Variants in CTNNA3 observed in about 807,000 individuals in gnomAD.
CTNNA3 encodes catenin alpha 3.
A neutral mutation model predicts 95.7 loss-of-function variants in CTNNA3; 76 were observed. The observed-to-expected ratio is 0.79, with a 90% CI of 0.66 to 0.96. CTNNA3 has a LOEUF of 0.96. Ranked by LOEUF, CTNNA3 falls within the 40% of genes least tolerant of loss-of-function variation. The probability of loss-of-function intolerance (pLI) is 0.00; values close to 1 mark genes in which losing one functional copy is unlikely to be tolerated. For missense variants in CTNNA3, 1,191 were observed against 1,089.8 expected, an observed-to-expected ratio of 1.09 and a Z score of -1.31; for synonymous variants, 431 against 374.4, an observed-to-expected ratio of 1.15 and a Z score of -1.74.
At chr10:67,457,549 T>C (rs966544486) in intron 5 of CTNNA3, among the ~76,000 whole-genome samples, 7 of 152,218 alleles carry the variant, frequency 4.6e-5, no homozygotes, top group African/African-American at 1.7e-4. Context: ...CAGTTTTATA[T>C]TGATGTTCTA....
intron 1 of CTNNA3, among the ~76,000 whole-genome samples, chr10:67,744,062 A>C (rs1193428472): frequency 3.3e-5 from 5 of 151,412 alleles, no homozygotes; most frequent in Non-Finnish European, 5.9e-5. Context: ...AATACCATGA[A>C]AATGGCCATA....
chr10:67,602,095 A>C (rs1843100903), intron 3 of CTNNA3, among the ~76,000 whole-genome samples: 1 of 151,952 alleles, frequency 6.6e-6, no homozygotes, highest in South Asian at 2.1e-4. Flanking sequence ...TAATAAAGCT[A>C]TCTGTACTCT....
chr10:67,728,863 T>C (rs1433932856), intron 1 of CTNNA3, among the ~76,000 whole-genome samples: 1 of 152,098 alleles, frequency 6.6e-6, no homozygotes. Context: ...AGGCCATCTG[T>C]ATATTTGATT....
intron 11 of CTNNA3, among the ~76,000 whole-genome samples, chr10:66,493,563 G>T (rs9415856): frequency 0.069 from 10,137 of 147,318 alleles, 965 homozygotes; most frequent in East Asian, 0.46. Flanking sequence ...TTTTGTTGTT[G>T]TTGGGGAGAA....
rs574031316 is a variant in CTNNA3 at position 67,160,213 on chromosome 10, AG to A, written c.1047+20103del. Among the ~76,000 whole-genome samples the A allele has an allele frequency of 2.4e-3, 367 of 152,278 alleles. 2 individuals carry two copies. Among genetic ancestry groups the A allele is most frequent in the African/African-American group, 8.3e-3 (345 of 41,550 alleles). On this transcript the variant is annotated intron_variant, in intron 7 of 17. Transcript: ENST00000433211. Reference sequence around the variant, plus strand: ...AAAGCTATTATCAATAAACAAAAAAAGATCACAAATATTGAGGAGGATGTGA... The same window carrying A: ...AAAGCTATTATCAATAAACAAAAAAAATCACAAATATTGAGGAGGATGTGA...
chr10:66,576,220 GT>G (rs1417147000), intron 10 of CTNNA3, among the ~76,000 whole-genome samples: 1 of 152,110 alleles, frequency 6.6e-6, no homozygotes, highest in Non-Finnish European at 1.5e-5. Flanking sequence ...TAAGAATACA[GT>G]TTTAGTGTCA....
At chr10:66,780,489 A>G (rs1458146691) in intron 7 of CTNNA3, among the ~76,000 whole-genome samples, 1 of 152,156 alleles carries the variant, frequency 6.6e-6, no homozygotes, top group Non-Finnish European at 1.5e-5. Context: ...CCTGGTTTCC[A>G]GCAGTGACAG....
chr10:66,154,548 A>C (rs993601719), intron 13 of CTNNA3, among the ~76,000 whole-genome samples: 24 of 151,114 alleles, frequency 1.6e-4, no homozygotes, highest in Admixed American at 6.0e-4. Context: ...TCTTACTTGC[A>C]AGCTACTGTT....
At chr10:67,265,544 T>G (rs1207531574) in intron 5 of CTNNA3, among the ~76,000 whole-genome samples, 2 of 151,678 alleles carry the variant, frequency 1.3e-5, no homozygotes, top group Admixed American at 1.3e-4. Context: ...AGGTTTGGGG[T>G]TTAAAGTCTG....
intron 13 of CTNNA3, among the ~76,000 whole-genome samples, chr10:66,120,533 G>T (rs777326417): frequency 6.6e-6 from 1 of 152,020 alleles, no homozygotes; most frequent in African/African-American, 2.4e-5. Context: ...TCTGCAAAAT[G>T]GATTTATTGT....
Position 67,566,031 on chromosome 10 carries a change from ATATG to A in CTNNA3, c.293-26366_293-26363del, listed in dbSNP as rs201524203. Among the ~76,000 whole-genome samples, 259 of 58,078 alleles carry A rather than the reference ATATG, an allele frequency of 4.5e-3. 26 individuals carry two copies. The highest frequency in any genetic ancestry group is 0.028 in the African/African-American group (253 of 9,182). 38.1% of individuals were successfully genotyped at this position (58,078 alleles called of 152,430 possible). On this transcript the variant is annotated intron_variant, in intron 3 of 17. Coordinates refer to ENST00000433211, the MANE Select transcript of CTNNA3 (RefSeq NM_013266.4). ...TACACACACAAACACACACACACAC[ATATG>A]TGTGTGTGTATATATATATATATAT...
At chr10:67,139,873 G>T (rs1564918375) in intron 7 of CTNNA3, among the ~76,000 whole-genome samples, 2 of 152,106 alleles carry the variant, frequency 1.3e-5, no homozygotes, top group East Asian at 1.9e-4. Flanking sequence ...TTAAACTTTT[G>T]TCCCAATAGA....
chr10:65,980,006 C>G (rs2078285906), intron 16 of CTNNA3, among the ~76,000 whole-genome samples: 1 of 151,642 alleles, frequency 6.6e-6, no homozygotes, highest in Non-Finnish European at 1.5e-5. Flanking sequence ...CCAACCAACA[C>G]ACAAAATACA....
intron 16 of CTNNA3, among the ~76,000 whole-genome samples, chr10:65,979,653 T>C (rs553318721): frequency 6.6e-6 from 1 of 152,222 alleles, no homozygotes; most frequent in South Asian, 2.1e-4. Flanking sequence ...CTTTATTTTT[T>C]GGTTACATAG....
chr10:67,526,515 C>T (rs533432578), intron 4 of CTNNA3, among the ~76,000 whole-genome samples: 2 of 152,302 alleles, frequency 1.3e-5, no homozygotes, highest in Admixed American at 1.3e-4. Context: ...AACTGCATCA[C>T]TTTGGACAAG....
intron 7 of CTNNA3, among the ~76,000 whole-genome samples, chr10:67,125,006 T>C (rs1859650232): frequency 6.6e-6 from 1 of 152,296 alleles, no homozygotes; most frequent in East Asian, 1.9e-4. Context: ...GGTGAGTCTG[T>C]AATCAATGAC....
chr10:66,430,484 G>C (rs2093284637), intron 11 of CTNNA3, among the ~76,000 whole-genome samples: 2 of 152,138 alleles, frequency 1.3e-5, no homozygotes, highest in African/African-American at 4.8e-5. Flanking sequence ...GAGGCATCTT[G>C]CTACCTGACT....
chr10:66,240,525 C>G (rs2090057364), intron 13 of CTNNA3, among the ~76,000 whole-genome samples: 1 of 151,984 alleles, frequency 6.6e-6, no homozygotes, highest in South Asian at 2.1e-4. Context: ...TATAGTACTA[C>G]AAAATTAAAG....
intron 7 of CTNNA3, among the ~76,000 whole-genome samples, chr10:66,824,957 G>A (rs1842444596): frequency 6.6e-6 from 1 of 151,686 alleles, no homozygotes; most frequent in African/African-American, 2.4e-5. Flanking sequence ...AGTTATATCA[G>A]ATGTTAACAA....
Sources: allele counts gnomAD v4.1 joint callset (sites outside exome capture counted in the v4.1 genomes callset), GRCh38; gene constraint gnomAD v4.1.1; transcripts MANE v1.5; gene names NCBI Gene and HGNC (gene_info 2026-07-23, HGNC 2026-07-21).